The following TREX1 variants were observed in gnomAD, a reference collection of about 807,000 sequenced individuals.
TREX1 encodes the protein three prime repair exonuclease 1.
In TREX1, 11 loss-of-function variants were observed where a neutral mutation model predicts 13.7. The observed-to-expected ratio is 0.80, with a 90% CI of 0.51 to 1.33. The LOEUF is 1.33. Ranked by LOEUF, TREX1 falls within the 40% of genes most tolerant of loss-of-function variation. TREX1 has a pLI of 0.00. For synonymous variants in TREX1, 178 were observed against 178.8 expected (o/e 1.00, Z 0.03); for missense variants, 409 against 404.4 (o/e 1.01, Z -0.10).
intron 1 of TREX1, 48 bp from the exon 2 acceptor site, chr3:48,466,582 G>C (rs367854994): frequency 6.2e-7 from 1 of 1,613,312 alleles, no homozygotes. Flanking sequence ...CCTCCCCTTC[G>C]GATCTTAACA....
At chr3:48,466,487 G>GA in intron 1 of TREX1, 143 bp from the exon 2 acceptor site, 1 of 1,614,014 alleles carries the variant, frequency 6.2e-7, no homozygotes, top group Non-Finnish European at 8.5e-7. Context: ...CTTCCTGCCT[G>GA]AAAATGGGCC....
At position 48,466,743 on chromosome 3, in the gene TREX1, A is replaced by T; in HGVS notation, c.88A>T (p.Lys30Ter). 6.2e-7 allele frequency: 1 copy of T among 1,613,816 alleles called. No homozygotes were observed. Among genetic ancestry groups the T allele is most frequent in the East Asian group, 2.2e-5 (1 of 44,856 alleles). The change falls in exon 2 of 2, where the codon AAG becomes TAG. Residue 30 changes from lysine (K) to a stop codon, truncating the protein, a stop_gained. Transcript: ENST00000625293. LOFTEE classifies it high-confidence loss of function. ...EATGLPFSQP[K>*]VTELCLLAVH... ...CACTGGCTTGCCCTTCTCCCAGCCC[A>T]AGGTCACGGAGCTGTGCCTGCTGGC...
rs776171409 is a variant in TREX1, at chr3:48,467,504, C to T, written c.849C>T (p.Ser283=). The T allele has an allele frequency of 7.4e-6, 12 of 1,614,084 alleles. No individual in the cohort carries two copies. Among genetic ancestry groups the T allele is most frequent in the Non-Finnish European group, 1.0e-5 (12 of 1,180,010 alleles). The part of the protein sequence containing the change: ...LPPVKDPGAL[S]REGLLAPLGL... ...CAGTGAAGGACCCTGGAGCCCTATC[C>T]AGGGAGGGGCTGCTGGCCCCACTGG... is the stretch of plus-strand genomic sequence containing the variant. Residue 283 remains serine, a synonymous_variant, in exon 2 of 2, where the codon TCC becomes TCT. Coordinates refer to ENST00000625293, the MANE Select transcript of TREX1 (RefSeq NM_033629.6).
chr3:48,465,902 C>T (rs2040273724), upstream of TREX1: 1 of 304,772 alleles, frequency 3.3e-6, no homozygotes, highest in East Asian at 8.6e-5. Flanking sequence ...TTGGCCCAGG[C>T]CTAAACCAGG....
Position 48,467,320 on chromosome 3 carries a change from A to T in TREX1, c.665A>T (p.His222Leu), listed in dbSNP as rs2040369201. The T allele has an allele frequency of 6.2e-7, 1 of 1,614,152 alleles. No homozygotes were observed. Among genetic ancestry groups the T allele is most frequent in the Non-Finnish European group, 8.5e-7 (1 of 1,180,042 alleles). The change falls in exon 2 of 2, where the codon CAC becomes CTC. Residue 222 changes from histidine to leucine, a missense_variant. Physicochemically the swap from His to Leu is moderately conservative, Grantham distance 99. Coordinates refer to ENST00000625293, the MANE Select transcript of TREX1 (RefSeq NM_033629.6). Reference protein sequence around the residue: ...PQALLRWVDAHARPFGTIRPM... With the variant: ...PQALLRWVDALARPFGTIRPM... Reference sequence around the variant, plus strand: ...GCCCTGCTGCGGTGGGTGGATGCTCACGCCAGGCCTTTCGGCACCATCAGG... The same window carrying T: ...GCCCTGCTGCGGTGGGTGGATGCTCTCGCCAGGCCTTTCGGCACCATCAGG...
At position 48,467,174 on chromosome 3, in the gene TREX1, A is replaced by T. The variant is rs2040356821; in HGVS notation, c.519A>T (p.Pro173=). ...CAAGCAGCCCCTCAGAACACGGCCC[A>T]AGGAAGAGCTATAGCCTAGGCAGCA... ...ERASSPSEHG[P]RKSYSLGSIY... Residue 173 remains proline, a synonymous_variant, in exon 2 of 2, where the codon CCA becomes CCT. Transcript: ENST00000625293. 3 of 1,613,780 alleles carry T rather than the reference A, an allele frequency of 1.9e-6. No individual in the cohort carries two copies.
chr3:48,467,529 G>A lies in TREX1; in HGVS notation c.874G>A (p.Gly292Ser), dbSNP rs1229622478. The A allele has an allele frequency of 6.2e-7, 1 of 1,613,672 alleles. No homozygotes were observed. ...CAGGGAGGGGCTGCTGGCCCCACTG[G>A]GTCTGCTGGCCATCCTGACCTTGGC... ...LSREGLLAPL[G>S]LLAILTLAVA... is the part of the protein sequence containing the mutation. The change falls in exon 2 of 2, where the codon GGT (glycine) becomes AGT (serine). Residue 292 changes from glycine (G) to serine (S), a missense_variant. Physicochemically the swap from Gly to Ser is moderately conservative, Grantham distance 56. Transcript: ENST00000625293.
intron 1 of TREX1, 108 bp from the exon 2 acceptor site, chr3:48,466,522 T>A (rs764993690): frequency 3.1e-6 from 5 of 1,613,866 alleles, no homozygotes; most frequent in Non-Finnish European, 4.2e-6. Context: ...CAGGGCAGGA[T>A]TGTGCAGGGA....
Position 48,467,511 on chromosome 3 carries a change from G to A in TREX1, c.856G>A (p.Gly286Arg), listed in dbSNP as rs1252684249. The A allele has an allele frequency of 1.2e-6, 2 of 1,614,052 alleles. No individual in the cohort carries two copies. Residue 286 changes from glycine (G) to arginine (R), a missense_variant, in exon 2 of 2, where the codon GGG becomes AGG. Coordinates refer to ENST00000625293, the MANE Select transcript of TREX1 (RefSeq NM_033629.6). ...GGACCCTGGAGCCCTATCCAGGGAGGGGCTGCTGGCCCCACTGGGTCTGCT... is the reference window on the plus strand; with the variant it reads ...GGACCCTGGAGCCCTATCCAGGGAGAGGCTGCTGGCCCCACTGGGTCTGCT... ...VKDPGALSREGLLAPLGLLAI... is the reference protein window; with the variant it reads ...VKDPGALSRERLLAPLGLLAI...
chr3:48,466,820 C>T lies in TREX1; in HGVS notation c.165C>T (p.Pro55=). ...ESPPTSQGPP[P]TVPPPPRVVD... ...CCCCCACCTCTCAGGGGCCACCTCC[C>T]ACAGTTCCTCCACCACCGCGTGTGG... The change falls in exon 2 of 2, where the codon CCC becomes CCT. Residue 55 remains proline (P), a synonymous_variant. Transcript: ENST00000625293. The T allele has an allele frequency of 6.2e-7, 1 of 1,614,010 alleles. No individual in the cohort carries two copies. The highest frequency in any genetic ancestry group is 1.3e-5 in the African/African-American group (1 of 75,056).
At position 48,466,675 on chromosome 3, in the gene TREX1, C is replaced by G. The variant is rs753028146; in HGVS notation, c.20C>G (p.Pro7Arg). The G allele has an allele frequency of 1.9e-6, 3 of 1,614,032 alleles. No individual in the cohort carries two copies. Among genetic ancestry groups the G allele is most frequent in the Non-Finnish European group, 8.5e-7 (1 of 1,179,990 alleles). The part of the protein sequence containing the change: MGSQAL[P>R]PGPMQTLIFF... ...CCAACCATGGGCTCGCAGGCCCTGC[C>G]CCCGGGGCCCATGCAGACCCTCATC... The change falls in exon 2 of 2, where the codon CCC (proline) becomes CGC (arginine). Residue 7 changes from proline to arginine, a missense_variant. Transcript: ENST00000625293.
At chr3:48,466,154 G>A, upstream of TREX1, 1 of 472,016 alleles carries the variant, frequency 2.1e-6, no homozygotes, top group Non-Finnish European at 3.9e-6. Flanking sequence ...GGTGGTGAGA[G>A]GGACAGACCA....
At chr3:48,466,497 C>T in intron 1 of TREX1, 133 bp from the exon 2 acceptor site, 1 of 1,614,036 alleles carries the variant, frequency 6.2e-7, no homozygotes, top group Non-Finnish European at 8.5e-7. Flanking sequence ...GAAAATGGGC[C>T]CTGGAGCTCG....
chr3:48,466,177 AGCAGGGCGGGCCTG>A (rs2107250168), upstream of TREX1: 1 of 510,380 alleles, frequency 2.0e-6, no homozygotes, highest in African/African-American at 1.9e-5. Context: ...CAGGCTGACG[AGCAGGGCGGGCCTG>A]GCTCACGTGG....
In TREX1 at chr3:48,467,267, G is replaced by A; in HGVS notation, c.612G>A (p.Leu204=). ...CGGCTGAGGGTGATGTCCTGGCCCTGCTCAGCATCTGTCAGTGGAGACCAC... is the reference window on the plus strand; with the variant it reads ...CGGCTGAGGGTGATGTCCTGGCCCTACTCAGCATCTGTCAGTGGAGACCAC... ...SHTAEGDVLA[L]LSICQWRPQA... is the part of the protein sequence containing the mutation. The change falls in exon 2 of 2, where the codon CTG becomes CTA. Residue 204 remains leucine, a synonymous_variant. Transcript: ENST00000625293. The A allele has an allele frequency of 6.2e-7, 1 of 1,614,148 alleles. No individual in the cohort carries two copies. Among genetic ancestry groups the A allele is most frequent in the East Asian group, 2.2e-5 (1 of 44,888 alleles).
rs2040351031 is a variant in TREX1 at position 48,467,085 on chromosome 3, A to C, written c.430A>C (p.Thr144Pro). The C allele has an allele frequency of 6.2e-7, 1 of 1,613,918 alleles. No homozygotes were observed. The highest frequency in any genetic ancestry group is 8.5e-7 in the Non-Finnish European group (1 of 1,180,028). The change falls in exon 2 of 2, where the codon ACC becomes CCC. Residue 144 changes from threonine (T) to proline (P), a missense_variant. By Grantham distance (38) the Thr-to-Pro change is conservative. Coordinates refer to ENST00000625293, the MANE Select transcript of TREX1 (RefSeq NM_033629.6). Reference sequence around the variant, plus strand: ...AGCAGAGCTGGCTATGCTGGGCCTCACCAGTGCTCTGGATGGTGCCTTCTG... The same window carrying C: ...AGCAGAGCTGGCTATGCTGGGCCTCCCCAGTGCTCTGGATGGTGCCTTCTG... ...LQAELAMLGL[T>P]SALDGAFCVD...
Position 48,467,161 on chromosome 3 carries a change from C to A in TREX1, c.506C>A (p.Ser169Ter). 1 of 1,614,086 alleles carries A rather than the reference C, an allele frequency of 6.2e-7. No homozygotes were observed. The highest frequency in any genetic ancestry group is 8.5e-7 in the Non-Finnish European group (1 of 1,180,030). ...GCCCTGGAGCGAGCAAGCAGCCCCT[C>A]AGAACACGGCCCAAGGAAGAGCTAT... ...LKALERASSP[S>*]EHGPRKSYSL... The change falls in exon 2 of 2, where the codon TCA becomes TAA. Residue 169 changes from serine (S) to a stop codon, truncating the protein, a stop_gained. Coordinates refer to ENST00000625293, the MANE Select transcript of TREX1 (RefSeq NM_033629.6). LOFTEE classifies it high-confidence loss of function.
In TREX1 at chr3:48,467,069, G is replaced by A. The variant is rs768850552; in HGVS notation, c.414G>A (p.Leu138=). ...ACTTCCCCCTGCTCCAAGCAGAGCT[G>A]GCTATGCTGGGCCTCACCAGTGCTC... ...RYDFPLLQAE[L]AMLGLTSALD... is the part of the protein sequence containing the mutation. The change falls in exon 2 of 2, where the codon CTG becomes CTA. Residue 138 remains leucine (L), a synonymous_variant. Coordinates refer to ENST00000625293, the MANE Select transcript of TREX1 (RefSeq NM_033629.6). The A allele has an allele frequency of 1.2e-6, 2 of 1,613,964 alleles. No homozygotes were observed. Among genetic ancestry groups the A allele is most frequent in the South Asian group, 2.2e-5 (2 of 91,092 alleles).
rs2040332362 is a variant in TREX1, at chr3:48,466,842, G to A, written c.187G>A (p.Val63Met). The change falls in exon 2 of 2, where the codon GTG (valine) becomes ATG (methionine). Residue 63 changes from valine to methionine, a missense_variant. Physicochemically the swap from Val to Met is conservative, Grantham distance 21 (BLOSUM62 1). Coordinates refer to ENST00000625293, the MANE Select transcript of TREX1 (RefSeq NM_033629.6). ...PPPTVPPPPRVVDKLSLCVAP... is the reference protein window; with the variant it reads ...PPPTVPPPPRMVDKLSLCVAP... ...TCCCACAGTTCCTCCACCACCGCGT[G>A]TGGTAGACAAGCTCTCCCTGTGTGT... is the stretch of plus-strand genomic sequence containing the variant. The A allele has an allele frequency of 1.2e-6, 2 of 1,614,010 alleles. No homozygotes were observed. Among genetic ancestry groups the A allele is most frequent in the Admixed American group, 1.7e-5 (1 of 60,032 alleles).
Sources: gnomAD v4.1 joint callset for allele counts on GRCh38, gnomAD v4.1.1 for gene constraint, MANE v1.5 for transcripts, NCBI Gene and HGNC (gene_info 2026-07-23, HGNC 2026-07-21) for gene names.